ERCC6L2: variants seen among roughly 807,000 people sequenced by gnomAD.
ERCC6L2 encodes the protein ERCC excision repair 6 like 2, also known as DNA excision repair protein ERCC-6-like 2.
Under a neutral mutation model 132.0 loss-of-function variants are expected in ERCC6L2, and 77 were observed. That is an observed-to-expected ratio of 0.58 (90% CI 0.49 to 0.71). The LOEUF is 0.71. Ranked by LOEUF, ERCC6L2 falls within the 30% of genes least tolerant of loss-of-function variation. ERCC6L2 has a pLI of 0.00. For missense variants in ERCC6L2, 1,542 were observed against 1,837.6 expected, an observed-to-expected ratio of 0.84 and a Z score of 2.94; for synonymous variants, 583 against 632.4, an observed-to-expected ratio of 0.92 and a Z score of 1.17.
At chr9:95,995,020 A>G (rs1368519977) in intron 17 of ERCC6L2, among the ~76,000 whole-genome samples, 2 of 152,230 alleles carry the variant, frequency 1.3e-5, no homozygotes, top group East Asian at 1.9e-4. Flanking sequence ...CAATTCTAGT[A>G]TAGCCTTCTA....
In ERCC6L2 at chr9:96,016,562, A is replaced by G. The variant is rs1341040723; in HGVS notation, c.*3359A>G. On this transcript the variant is annotated 3_prime_UTR_variant, in exon 19 of 19. Coordinates refer to ENST00000653738, the MANE Select transcript of ERCC6L2 (RefSeq NM_020207.7). Reference sequence around the variant, plus strand: ...TCAAGGAAATAAATAACATCTGCAAATGGTGCAGCTGCCCCTAAGTATTCA... The same window carrying G: ...TCAAGGAAATAAATAACATCTGCAAGTGGTGCAGCTGCCCCTAAGTATTCA... Among the ~76,000 whole-genome samples, 1 of 152,220 alleles carries G rather than the reference A, an allele frequency of 6.6e-6. No homozygotes were observed. The highest frequency in any genetic ancestry group is 6.5e-5 in the Admixed American group (1 of 15,286).
At chr9:96,033,155 T>C (rs1475715763) in intron 19 of ERCC6L2, among the ~76,000 whole-genome samples, 1 of 152,154 alleles carries the variant, frequency 6.6e-6, no homozygotes, top group Non-Finnish European at 1.5e-5. Flanking sequence ...CCACAAGAAA[T>C]TTTCCATTAG....
chr9:95,916,304 A>G lies in ERCC6L2; in HGVS notation c.1028A>G (p.His343Arg). 6.2e-7 allele frequency: 1 copy of G among 1,614,200 alleles called. No homozygotes were observed. Among genetic ancestry groups the G allele is most frequent in the Non-Finnish European group, 8.5e-7 (1 of 1,180,016 alleles). ...FSDPVEHGQR[H>R]TATKRELATG... The stretch of plus-strand genomic sequence containing the variant: ...GACCCAGTAGAACATGGTCAGAGAC[A>G]CACGGCAACAAAGAGAGAACTAGCC... The change falls in exon 6 of 19, where the codon CAC becomes CGC. Residue 343 changes from histidine to arginine, a missense_variant. Transcript: ENST00000653738.
chr9:95,947,698 T>C (rs1414781245), intron 12 of ERCC6L2, among the ~76,000 whole-genome samples: 1 of 152,226 alleles, frequency 6.6e-6, no homozygotes, highest in East Asian at 1.9e-4. Flanking sequence ...ATGGAGCTGG[T>C]GACTTTAAGT....
At chr9:96,036,143 C>T (rs775151035) in intron 19 of ERCC6L2, among the ~76,000 whole-genome samples, 10 of 152,158 alleles carry the variant, frequency 6.6e-5, no homozygotes, top group Middle Eastern at 3.2e-3. Context: ...TGCTGCTAGT[C>T]TCCAGAACGC....
At position 95,907,282 on chromosome 9, in the gene ERCC6L2, T is replaced by C; in HGVS notation, c.788+11T>C. 1 of 1,582,820 alleles carries C rather than the reference T, an allele frequency of 6.3e-7. No individual in the cohort carries two copies. The highest frequency in any genetic ancestry group is 1.1e-5 in the South Asian group (1 of 87,884). On this transcript the variant is annotated intron_variant, in intron 4 of 18. Coordinates refer to ENST00000653738, the MANE Select transcript of ERCC6L2 (RefSeq NM_020207.7). ...GGATGAACTTAACAGGTAATGGGAA[T>C]AATAGGAATAGGAATGATTGTATTA... is the stretch of plus-strand genomic sequence containing the variant.
At chr9:95,989,552 G>A (rs1221101447) in intron 17 of ERCC6L2, among the ~76,000 whole-genome samples, 1 of 152,226 alleles carries the variant, frequency 6.6e-6, no homozygotes, top group Non-Finnish European at 1.5e-5. Context: ...AGGACTTAGT[G>A]CAATAAAAAT....
chr9:95,939,156 T>C (rs528172094), intron 11 of ERCC6L2, among the ~76,000 whole-genome samples: 27 of 152,316 alleles, frequency 1.8e-4, no homozygotes, highest in African/African-American at 6.0e-4. Context: ...GTATTGCAGT[T>C]TTCCTTTAAC....
At chr9:95,890,749 C>G (rs1828114872) in intron 2 of ERCC6L2, among the ~76,000 whole-genome samples, 1 of 152,086 alleles carries the variant, frequency 6.6e-6, no homozygotes, top group African/African-American at 2.4e-5. Context: ...CTCACTGCAG[C>G]CTTGACCTCC....
intron 2 of ERCC6L2, among the ~76,000 whole-genome samples, chr9:95,890,038 A>G (rs1184259583): frequency 6.6e-6 from 1 of 152,010 alleles, no homozygotes; most frequent in African/African-American, 2.4e-5. Context: ...TCATTTGTCC[A>G]CTTTTTTCTC....
chr9:95,914,362 T>C (rs1305682952), intron 4 of ERCC6L2, among the ~76,000 whole-genome samples: 4 of 149,214 alleles, frequency 2.7e-5, no homozygotes, highest in African/African-American at 9.8e-5. Flanking sequence ...GTTATAATAA[T>C]TTTTTTTTTT....
intron 19 of ERCC6L2, among the ~76,000 whole-genome samples, chr9:96,036,381 T>G (rs938384480): frequency 6.6e-6 from 1 of 152,248 alleles, no homozygotes; most frequent in Admixed American, 6.5e-5. Flanking sequence ...AATTCCTTCC[T>G]TTTTAAGGCT....
In ERCC6L2 at chr9:96,013,941, G is replaced by C. The variant is rs1163095203; in HGVS notation, c.*738G>C. 1 of 152,118 alleles carries C rather than the reference G, an allele frequency of 6.6e-6. No homozygotes were observed. Among genetic ancestry groups the C allele is most frequent in the African/African-American group, 2.4e-5 (1 of 41,426 alleles). 9.4% of individuals were successfully genotyped at this position (152,118 alleles called of 1,614,324 possible). A position where few individuals can be genotyped will look rare whatever the true frequency, so the allele number is the denominator to read the frequency against. ...TAAAGGTTTGTATAGTACTTTTGTAGTTCTTAAGTATGAAGAAATGGGTAA... is the reference window on the plus strand; with the variant it reads ...TAAAGGTTTGTATAGTACTTTTGTACTTCTTAAGTATGAAGAAATGGGTAA... On this transcript the variant is annotated 3_prime_UTR_variant, in exon 19 of 19. Transcript: ENST00000653738.
intron 6 of ERCC6L2, among the ~76,000 whole-genome samples, chr9:95,919,303 T>C (rs1829750985): frequency 6.6e-6 from 1 of 152,238 alleles, no homozygotes; most frequent in Admixed American, 6.5e-5. Context: ...TGTAGTGATA[T>C]AAGCATACAA....
At position 95,875,736 on chromosome 9, in the gene ERCC6L2, C is replaced by T; in HGVS notation, c.-303C>T. ...GGTCGCCTTGCCGGCCTCCTGTCCT[C>T]CTCCGGCGGCGGCGGAGCCCGAGAG... On this transcript the variant is annotated 5_prime_UTR_variant, in exon 1 of 19. Coordinates refer to ENST00000653738, the MANE Select transcript of ERCC6L2 (RefSeq NM_020207.7). The T allele has an allele frequency of 2.1e-6, 1 of 466,308 alleles. No homozygotes were observed. The allele number at this position is 466,308 out of a possible 1,614,324, so 28.9% of individuals were successfully genotyped here.
chr9:95,893,645 T>C (rs779346347), intron 2 of ERCC6L2, among the ~76,000 whole-genome samples: 2 of 152,196 alleles, frequency 1.3e-5, no homozygotes, highest in Non-Finnish European at 2.9e-5. Context: ...TTATGAGTAT[T>C]TAAATTTCCT....
rs766642675 is a variant in ERCC6L2, at chr9:96,016,777, C to A, written c.*3574C>A. ...TTTTTGAAATGATGGTAGATCATAC[C>A]TTTTGGTCTTTTTCATTGTCCTTAC... is the stretch of plus-strand genomic sequence containing the variant. On this transcript the variant is annotated 3_prime_UTR_variant, in exon 19 of 19. Transcript: ENST00000653738. 1.3e-5 allele frequency among the ~76,000 whole-genome samples: 2 copies of A among 152,094 alleles called. No homozygotes were observed. Among genetic ancestry groups the A allele is most frequent in the Admixed American group, 6.5e-5 (1 of 15,278 alleles).
intron 5 of ERCC6L2, 118 bp from the exon 6 acceptor site, chr9:95,916,109 C>A: frequency 1.0e-6 from 1 of 978,870 alleles, no homozygotes; most frequent in Non-Finnish European, 1.5e-6. Flanking sequence ...ATTCTGTTTT[C>A]TTGGCTTTTG....
intron 2 of ERCC6L2, among the ~76,000 whole-genome samples, chr9:95,885,903 C>G (rs1056573780): frequency 4.6e-5 from 7 of 152,154 alleles, no homozygotes; most frequent in African/African-American, 1.7e-4. Flanking sequence ...GTTTCAGAGC[C>G]TTTGCTCAGA....
Sources: allele counts gnomAD v4.1 joint callset (sites outside exome capture counted in the v4.1 genomes callset), GRCh38; gene constraint gnomAD v4.1.1; transcripts MANE v1.5; gene names NCBI Gene and HGNC (gene_info 2026-07-23, HGNC 2026-07-21).